The following PPARA variants were observed in gnomAD, a reference collection of about 807,000 sequenced individuals.
PPARA encodes peroxisome proliferator-activated receptor alpha.
Under a neutral mutation model 42.2 loss-of-function variants are expected in PPARA, and 22 were observed. The ratio of observed to expected loss-of-function variants is 0.52; its 90% CI spans 0.37 to 0.74. The LOEUF (loss-of-function observed/expected upper bound fraction) is 0.74. PPARA is among the 30% of genes least tolerant of loss of function. The pLI is 0.00. For missense variants in PPARA, 465 were observed against 608.2 expected, an observed-to-expected ratio of 0.76 and a Z score of 2.48; for synonymous variants, 242 against 239.3, an observed-to-expected ratio of 1.01 and a Z score of -0.10.
At chr22:46,185,916 AATATATATATATATATATATATATATAT>A (rs59733161) in intron 3 of PPARA, among the ~76,000 whole-genome samples, 3 of 25,310 alleles carry the variant, frequency 1.2e-4, no homozygotes, top group African/African-American at 5.9e-4. Context: ...AAAAAAAAAA[AATATATATATATATATATATATATATAT>A]ATATATATAT....
Position 46,240,181 on chromosome 22 carries a change from A to C in PPARA, c.*4801A>C. 2.5e-6 allele frequency: 1 copy of C among 398,488 alleles called. No homozygotes were observed. The highest frequency in any genetic ancestry group is 3.6e-5 in the East Asian group (1 of 28,056). The allele number at this position is 398,488 out of a possible 1,614,324, so 24.7% of individuals were successfully genotyped here. A position where few individuals can be genotyped will look rare whatever the true frequency, so the allele number is the denominator to read the frequency against. Reference sequence around the variant, plus strand: ...CAGGAGAACATGCCCACAGCTCACCACCTATGGATGCCATGGCTCTGGGCA... The same window carrying C: ...CAGGAGAACATGCCCACAGCTCACCCCCTATGGATGCCATGGCTCTGGGCA... On this transcript the variant is annotated 3_prime_UTR_variant, in exon 9 of 9. Transcript: ENST00000407236. This position sits in a 1 kb window ranked among gnomAD's most constrained non-coding sequence, Gnocchi z 6.0.
chr22:46,229,932 G>A (rs2079839707), intron 7 of PPARA, among the ~76,000 whole-genome samples: 1 of 152,192 alleles, frequency 6.6e-6, no homozygotes, highest in African/African-American at 2.4e-5. Flanking sequence ...AGACAGTTTT[G>A]TGCTGTGAGT....
At chr22:46,199,683 G>A (rs1174068500) in intron 4 of PPARA, among the ~76,000 whole-genome samples, 1 of 152,014 alleles carries the variant, frequency 6.6e-6, no homozygotes, top group East Asian at 1.9e-4. Flanking sequence ...AAATAAACAA[G>A]CTTAATGAAT....
intron 2 of PPARA, among the ~76,000 whole-genome samples, chr22:46,166,026 T>C (rs1926989854): frequency 6.6e-6 from 1 of 152,046 alleles, no homozygotes; most frequent in South Asian, 2.1e-4. Flanking sequence ...TAATTATCAC[T>C]GCTTAGTTAA....
At position 46,188,651 on chromosome 22, in the gene PPARA, C is replaced by T. The variant is rs1569210032; in HGVS notation, c.-42-9691C>T. The T allele has an allele frequency of 6.6e-6, 1 of 152,218 alleles. No individual in the cohort carries two copies. Among genetic ancestry groups the T allele is most frequent in the Non-Finnish European group, 1.5e-5 (1 of 68,048 alleles). 9.4% of individuals were successfully genotyped at this position (152,218 alleles called of 1,614,324 possible). On this transcript the variant is annotated intron_variant, in intron 3 of 8. Transcript: ENST00000407236. This position sits in a 1 kb window ranked among gnomAD's most constrained non-coding sequence, Gnocchi z 5.0. The stretch of plus-strand genomic sequence containing the variant: ...GATTAAAGAAAAAAAATACATGCAG[C>T]TGCCATTGAGGGCCTGGCCCACGTG...
chr22:46,205,136 TTAC>T (rs1370429364), intron 4 of PPARA, among the ~76,000 whole-genome samples: 5 of 152,070 alleles, frequency 3.3e-5, no homozygotes, highest in Admixed American at 6.6e-5. Flanking sequence ...AGTGCTGGGA[TTAC>T]AGGTGTGAGC....
intron 2 of PPARA, among the ~76,000 whole-genome samples, chr22:46,153,241 C>A (rs1924745614): frequency 7.7e-6 from 1 of 129,788 alleles, no homozygotes; most frequent in Non-Finnish European, 1.5e-5. Flanking sequence ...ATGATCTTGG[C>A]TCACCGCAAC....
In PPARA at chr22:46,150,529, G is replaced by T. The variant is rs1924214494; in HGVS notation, c.-333G>T. 1 of 145,388 alleles carries T rather than the reference G, an allele frequency of 6.9e-6. No individual in the cohort carries two copies. Among genetic ancestry groups the T allele is most frequent in the Admixed American group, 6.8e-5 (1 of 14,654 alleles). 9.0% of individuals were successfully genotyped at this position (145,388 alleles called of 1,614,324 possible). A position where few individuals can be genotyped will look rare whatever the true frequency, so the allele number is the denominator to read the frequency against. On this transcript the variant is annotated 5_prime_UTR_variant, in exon 1 of 9. Coordinates refer to ENST00000407236, the MANE Select transcript of PPARA (RefSeq NM_005036.6). This position sits in a 1 kb window ranked among gnomAD's most constrained non-coding sequence, Gnocchi z 7.5. ...GAGGCGGCGCCGGGCATGGGCCGTG[G>T]ACGCGGCGGCCCCGCGGCGGGGGCA...
chr22:46,166,220 G>T (rs925730545), intron 2 of PPARA, among the ~76,000 whole-genome samples: 2 of 152,110 alleles, frequency 1.3e-5, no homozygotes, highest in Non-Finnish European at 2.9e-5. Context: ...GTCTGTGATT[G>T]GTCCCTGAGC....
In PPARA at chr22:46,235,054, C is replaced by T. The variant is rs892849536; in HGVS notation, c.1160-79C>T. On this transcript the variant is annotated intron_variant, in intron 8 of 8. Transcript: ENST00000407236. The surrounding 1 kb of genome is among the most constrained non-coding windows in gnomAD (Gnocchi z 7.0). ...TCTAAGAAAGGCCACATAAAATAGG[C>T]ATGTTTGGTTCCTGAAACTGATAAG... The T allele has an allele frequency of 5.1e-6, 8 of 1,581,276 alleles. No homozygotes were observed. The African/African-American group carries it at 1.1e-4, about 21-fold the overall frequency.
At chr22:46,217,632 A>G (rs902049538) in intron 5 of PPARA, among the ~76,000 whole-genome samples, 2 of 152,130 alleles carry the variant, frequency 1.3e-5, no homozygotes, top group African/African-American at 4.8e-5. Flanking sequence ...TTACATTCAT[A>G]TACATTGTAA....
intron 2 of PPARA, among the ~76,000 whole-genome samples, chr22:46,172,654 G>A (rs990716434): frequency 2.0e-5 from 3 of 152,124 alleles, no homozygotes; most frequent in Non-Finnish European, 2.9e-5. Context: ...CCAAACGATC[G>A]ACAAACCAGA....
At position 46,227,729 on chromosome 22, in the gene PPARA, G is replaced by T. The variant is rs749711020; in HGVS notation, c.712-4063G>T. Among the ~76,000 whole-genome samples, 1 of 152,168 alleles carries T rather than the reference G, an allele frequency of 6.6e-6. No individual in the cohort carries two copies. The highest frequency in any genetic ancestry group is 6.6e-5 in the Admixed American group (1 of 15,264). On this transcript the variant is annotated intron_variant, in intron 7 of 8. Transcript: ENST00000407236. This position sits in a 1 kb window ranked among gnomAD's most constrained non-coding sequence, Gnocchi z 4.3. ...AAATCTAGGCAGCTTCCTGCCTCAC[G>T]CTGTTTAAAACCTTTATAATGTGCT...
At chr22:46,168,376 A>AAAG (rs1927435996) in intron 2 of PPARA, among the ~76,000 whole-genome samples, 1 of 148,070 alleles carries the variant, frequency 6.8e-6, no homozygotes, top group Non-Finnish European at 1.5e-5. Flanking sequence ...AAAAAAAAAA[A>AAAG]AAGAAGAAAG....
chr22:46,154,129 C>G (rs998391441), intron 2 of PPARA, among the ~76,000 whole-genome samples: 1 of 152,008 alleles, frequency 6.6e-6, no homozygotes, highest in African/African-American at 2.4e-5. Flanking sequence ...GGCTACTGTC[C>G]GCAGTGCTGA....
chr22:46,211,289 A>G lies in PPARA; in HGVS notation c.209-3884A>G, dbSNP rs1268194041. 1.3e-5 allele frequency among the ~76,000 whole-genome samples: 2 copies of G among 152,078 alleles called. No individual in the cohort carries two copies. Among genetic ancestry groups the G allele is most frequent in the Non-Finnish European group, 2.9e-5 (2 of 68,014 alleles). On this transcript the variant is annotated intron_variant, in intron 4 of 8. Coordinates refer to ENST00000407236, the MANE Select transcript of PPARA (RefSeq NM_005036.6). The surrounding 1 kb of genome is among the most constrained non-coding windows in gnomAD (Gnocchi z 4.1). Reference sequence around the variant, plus strand: ...GCCTCCTCCACTTGCCTACCTGTCAATTCACCATTCCTTGAGTTCATGGTT... The same window carrying G: ...GCCTCCTCCACTTGCCTACCTGTCAGTTCACCATTCCTTGAGTTCATGGTT...
intron 4 of PPARA, among the ~76,000 whole-genome samples, chr22:46,199,934 G>C (rs1283358539): frequency 6.6e-6 from 1 of 152,076 alleles, no homozygotes; most frequent in Non-Finnish European, 1.5e-5. Context: ...TGTTGGCCAG[G>C]CTGGTCTCAA....
At chr22:46,223,915 A>T (rs1005369015) in intron 7 of PPARA, among the ~76,000 whole-genome samples, 1 of 149,636 alleles carries the variant, frequency 6.7e-6, no homozygotes, top group African/African-American at 2.5e-5. Flanking sequence ...ACACCGGTGC[A>T]CTCCAGCCTG....
rs540972870 is a variant in PPARA, at chr22:46,199,356, G to C, written c.208+765G>C. Among the ~76,000 whole-genome samples, 34 of 152,332 alleles carry C rather than the reference G, an allele frequency of 2.2e-4. No individual in the cohort carries two copies. In the South Asian group the frequency reaches 7.0e-3, roughly 32 times the overall value. Reference sequence around the variant, plus strand: ...CAATTTAAAAGAACAGACTAGGCTAGGCGCGGTGGCTCACGCCTATAATCC... The same window carrying C: ...CAATTTAAAAGAACAGACTAGGCTACGCGCGGTGGCTCACGCCTATAATCC... On this transcript the variant is annotated intron_variant, in intron 4 of 8. Coordinates refer to ENST00000407236, the MANE Select transcript of PPARA (RefSeq NM_005036.6).
Sources: allele counts gnomAD v4.1 joint callset (sites outside exome capture counted in the v4.1 genomes callset), GRCh38; gene constraint gnomAD v4.1.1; non-coding constraint Gnocchi (gnomAD v3.1); transcripts MANE v1.5; gene names NCBI Gene and HGNC (gene_info 2026-07-23, HGNC 2026-07-21).